The following UNC13C variants were observed in gnomAD, a reference collection of about 807,000 sequenced individuals.
The protein encoded by UNC13C is protein unc-13 homolog C.
Under a neutral mutation model 245.4 loss-of-function variants are expected in UNC13C, and 174 were observed. That is an observed-to-expected ratio of 0.71 (90% CI 0.63 to 0.80). UNC13C has a LOEUF of 0.80. Among genes scored for constraint, UNC13C ranks in the 30% least tolerant of loss-of-function variants. UNC13C has a pLI of 0.00. For missense variants in UNC13C, 2,829 were observed against 2,602.9 expected (o/e 1.09, Z -1.89); for synonymous variants, 992 against 895.1 (o/e 1.11, Z -1.93).
chr15:54,019,685 A>G (rs140307549), intron 2 of UNC13C, among the ~76,000 whole-genome samples: 114 of 152,304 alleles, frequency 7.5e-4, no homozygotes, highest in Non-Finnish European at 1.5e-3. Flanking sequence ...TCATGTATAT[A>G]TTCTGTTTTC....
At chr15:54,336,192 A>T (rs984698818) in intron 16 of UNC13C, among the ~76,000 whole-genome samples, 1 of 151,988 alleles carries the variant, frequency 6.6e-6, no homozygotes, top group African/African-American at 2.4e-5. Flanking sequence ...GTATGTATTT[A>T]TTGTGTACAA....
At position 54,237,534 on chromosome 15, in the gene UNC13C, A is replaced by G. The variant is rs748753716; in HGVS notation, c.3157-85A>G. On this transcript the variant is annotated intron_variant, in intron 6 of 32. Coordinates refer to ENST00000260323, the MANE Select transcript of UNC13C (RefSeq NM_001080534.3). Reference sequence around the variant, plus strand: ...TAAAATATGAACAGTGATAGCCCATATTCTTGCATTTTCACCTTCTGCTGA... The same window carrying G: ...TAAAATATGAACAGTGATAGCCCATGTTCTTGCATTTTCACCTTCTGCTGA... The G allele has an allele frequency of 9.9e-6, 10 of 1,005,220 alleles. No homozygotes were observed. The Admixed American group carries it at 2.0e-4, about 20-fold the overall frequency. 62.3% of individuals were successfully genotyped at this position (1,005,220 alleles called of 1,614,324 possible).
Position 54,624,074 on chromosome 15 carries a change from C to T in UNC13C, c.6359+120C>T, listed in dbSNP as rs118077485. The T allele has an allele frequency of 7.0e-4, 878 of 1,249,202 alleles. 13 individuals are homozygous for T. In the East Asian group the frequency reaches 0.018, roughly 26 times the overall value. The allele number at this position is 1,249,202 out of a possible 1,614,324, so 77.4% of individuals were successfully genotyped here. On this transcript the variant is annotated intron_variant, in intron 32 of 32. Coordinates refer to ENST00000260323, the MANE Select transcript of UNC13C (RefSeq NM_001080534.3). ...ATGAAGAAGGCTCTGTTTTTAGTTC[C>T]CTTCCATTCATTCAATATCTGTTCA... is the stretch of plus-strand genomic sequence containing the variant.
At chr15:54,479,282 A>G (rs1663399680) in intron 19 of UNC13C, among the ~76,000 whole-genome samples, 2 of 152,128 alleles carry the variant, frequency 1.3e-5, no homozygotes, top group Non-Finnish European at 1.5e-5. Context: ...ATATATATTT[A>G]TGATTGATAT....
intron 2 of UNC13C, among the ~76,000 whole-genome samples, chr15:54,083,074 G>C (rs1332985680): frequency 6.6e-6 from 1 of 152,066 alleles, no homozygotes; most frequent in Admixed American, 6.6e-5. Context: ...AGTAAGAGCC[G>C]GCTCATTCTC....
At chr15:53,924,797 T>C in the UNC13C span, among the ~76,000 whole-genome samples, 1 of 152,304 alleles carries the variant, frequency 6.6e-6, no homozygotes, top group Middle Eastern at 3.4e-3. Context: ...GAACACAAAA[T>C]TCAAACACCA....
intron 4 of UNC13C, among the ~76,000 whole-genome samples, chr15:54,175,424 G>A (rs1422320195): frequency 6.6e-6 from 1 of 151,536 alleles, no homozygotes; most frequent in Non-Finnish European, 1.5e-5. Context: ...ACCAAGGTGA[G>A]TCTTCCCTGG....
At chr15:54,244,656 G>T (rs2035945561) in intron 7 of UNC13C, among the ~76,000 whole-genome samples, 3 of 152,140 alleles carry the variant, frequency 2.0e-5, no homozygotes, top group African/African-American at 7.2e-5. Flanking sequence ...TTGAGCAGTA[G>T]TTTGTAGTTC....
At chr15:53,889,304 C>T in the UNC13C span, among the ~76,000 whole-genome samples, 1 of 152,080 alleles carries the variant, frequency 6.6e-6, no homozygotes, top group Non-Finnish European at 1.5e-5. Flanking sequence ...TTTTAATTCT[C>T]TTAGTAGCAG....
At chr15:54,304,448 C>T (rs1408232215) in intron 13 of UNC13C, among the ~76,000 whole-genome samples, 1 of 151,926 alleles carries the variant, frequency 6.6e-6, no homozygotes, top group Non-Finnish European at 1.5e-5. Flanking sequence ...GAATACTTAT[C>T]ATGACAAGCC....
intron 19 of UNC13C, among the ~76,000 whole-genome samples, chr15:54,450,657 G>C (rs1217353094): frequency 6.6e-6 from 1 of 152,188 alleles, no homozygotes. Context: ...CAATTTTCCA[G>C]GTGCGGTCTG....
chr15:54,280,335 A>G (rs899118778), intron 10 of UNC13C, among the ~76,000 whole-genome samples: 27 of 151,976 alleles, frequency 1.8e-4, no homozygotes, highest in African/African-American at 6.0e-4. Flanking sequence ...TAAAGGGGTA[A>G]ATGATATGTA....
chr15:54,154,254 GTTGCATTGAATCTGTAGATTGCT>G (rs2032647416), intron 4 of UNC13C, among the ~76,000 whole-genome samples: 1 of 149,714 alleles, frequency 6.7e-6, no homozygotes, highest in African/African-American at 2.5e-5. Context: ...TTTGATACAT[GTTGCATTGAATCTGTAGATTGCT>G]TTGGGTAATA....
intron 4 of UNC13C, among the ~76,000 whole-genome samples, chr15:54,225,090 C>A (rs1243196720): frequency 2.6e-5 from 2 of 78,370 alleles, no homozygotes; most frequent in Non-Finnish European, 5.0e-5. Context: ...TTTTCAATAG[C>A]TTTTTTTCAT....
chr15:54,012,806 G>A lies in UNC13C; in HGVS notation c.-98G>A, dbSNP rs940938979. ...TTCCTGCTCTTTCCAGTGATTCACA[G>A]AACTTCTGAACAGTGATGCTTGCCT... On this transcript the variant is annotated 5_prime_UTR_variant, in exon 2 of 33. Transcript: ENST00000260323. The A allele has an allele frequency of 1.0e-6, 1 of 960,906 alleles. No homozygotes were observed. 59.5% of individuals were successfully genotyped at this position (960,906 alleles called of 1,614,324 possible). A position where few individuals can be genotyped will look rare whatever the true frequency, so the allele number is the denominator to read the frequency against.
chr15:53,943,914 A>C, the UNC13C span, among the ~76,000 whole-genome samples: 2 of 151,898 alleles, frequency 1.3e-5, no homozygotes, highest in African/African-American at 4.8e-5. Flanking sequence ...CTGTGTTTTT[A>C]TCTGATAGTA....
chr15:54,593,703 G>T (rs538462760), intron 30 of UNC13C, among the ~76,000 whole-genome samples: 1 of 152,132 alleles, frequency 6.6e-6, no homozygotes, highest in East Asian at 1.9e-4. Context: ...TCTTTGAGAT[G>T]TCTATTTCCT....
At chr15:54,331,898 A>G in intron 14 of UNC13C, 145 bp from the exon 15 acceptor site, 1 of 505,858 alleles carries the variant, frequency 2.0e-6, no homozygotes, top group Admixed American at 4.0e-5. Flanking sequence ...CTGCTATGCC[A>G]CATAGTAACT....
At chr15:54,365,396 G>T (rs530368573) in intron 17 of UNC13C, among the ~76,000 whole-genome samples, 1 of 152,148 alleles carries the variant, frequency 6.6e-6, no homozygotes, top group East Asian at 1.9e-4. Flanking sequence ...CCACTTTGTT[G>T]AGGTATGATT....
Sources: allele counts gnomAD v4.1 joint callset (sites outside exome capture counted in the v4.1 genomes callset), GRCh38; gene constraint gnomAD v4.1.1; transcripts MANE v1.5; gene names NCBI Gene and HGNC (gene_info 2026-07-23, HGNC 2026-07-21).